Variants in CCDC102B observed in about 807,000 individuals in gnomAD.
CCDC102B encodes coiled-coil domain-containing protein 102B.
Under a neutral mutation model 57.4 loss-of-function variants are expected in CCDC102B, and 75 were observed. The ratio of observed to expected loss-of-function variants is 1.31; its 90% CI spans 1.08 to 1.58. The LOEUF (loss-of-function observed/expected upper bound fraction) is 1.58, where lower values mean the gene tolerates loss of function less well. Ranked by LOEUF, CCDC102B falls within the 40% of genes most tolerant of loss-of-function variation. The pLI is 0.00. For synonymous variants in CCDC102B, 206 were observed against 201.9 expected, an observed-to-expected ratio of 1.02 and a Z score of -0.17; for missense variants, 636 against 582.6, an observed-to-expected ratio of 1.09 and a Z score of -0.94.
chr18:68,972,508 A>G (rs529533709), intron 6 of CCDC102B, among the ~76,000 whole-genome samples: 72 of 152,262 alleles, frequency 4.7e-4, no homozygotes, highest in Non-Finnish European at 8.4e-4. Flanking sequence ...ATCTGTTCAG[A>G]TTTGTCTATC....
chr18:69,030,811 C>A (rs907171241), intron 7 of CCDC102B, among the ~76,000 whole-genome samples: 26 of 152,116 alleles, frequency 1.7e-4, no homozygotes, highest in African/African-American at 6.3e-4. Context: ...TACACCACCA[C>A]GCCCGGATCA....
intron 6 of CCDC102B, among the ~76,000 whole-genome samples, chr18:68,949,026 A>G (rs974883636): frequency 6.6e-6 from 1 of 152,152 alleles, no homozygotes; most frequent in East Asian, 1.9e-4. Context: ...GTTCAAGGGC[A>G]GGAAGCATCC....
intron 7 of CCDC102B, among the ~76,000 whole-genome samples, chr18:69,033,583 G>A (rs1014073003): frequency 6.6e-6 from 1 of 151,886 alleles, no homozygotes; most frequent in African/African-American, 2.4e-5. Context: ...TTAACATACT[G>A]TTTTCAAAGT....
intron 7 of CCDC102B, among the ~76,000 whole-genome samples, chr18:69,053,673 A>C (rs2052762389): frequency 6.6e-6 from 1 of 151,574 alleles, no homozygotes; most frequent in Non-Finnish European, 1.5e-5. Flanking sequence ...TATTTCAACT[A>C]CTTTTTTTTT....
At chr18:68,848,707 T>C (rs1256150084) in intron 4 of CCDC102B, among the ~76,000 whole-genome samples, 2 of 152,064 alleles carry the variant, frequency 1.3e-5, no homozygotes, top group African/African-American at 4.8e-5. Flanking sequence ...TGATTCAGAA[T>C]TAAATTATGA....
At chr18:68,919,519 G>A (rs1396365824) in intron 6 of CCDC102B, among the ~76,000 whole-genome samples, 1 of 152,144 alleles carries the variant, frequency 6.6e-6, no homozygotes, top group Non-Finnish European at 1.5e-5. Flanking sequence ...TTGGTGTCTA[G>A]AAAAAGTATT....
intron 7 of CCDC102B, 127 bp from the exon 8 acceptor site, chr18:69,053,903 T>C: frequency 1.5e-6 from 1 of 679,114 alleles, no homozygotes; most frequent in Non-Finnish European, 2.4e-6. Context: ...AGTTTTGTGG[T>C]GAGAATACTT....
At chr18:68,862,076 C>T (rs543798146) in intron 4 of CCDC102B, among the ~76,000 whole-genome samples, 31 of 152,248 alleles carry the variant, frequency 2.0e-4, no homozygotes, top group South Asian at 6.2e-4. Flanking sequence ...TAAAGTACCA[C>T]ACATCATCTT....
chr18:69,016,006 C>A (rs1375976896), intron 7 of CCDC102B, among the ~76,000 whole-genome samples: 5 of 148,940 alleles, frequency 3.4e-5, no homozygotes, highest in Non-Finnish European at 4.4e-5. Flanking sequence ...AGGTGCCCAC[C>A]ACCATGCCTG....
rs113651707 is a variant in CCDC102B at position 69,054,055 on chromosome 18, G to A, written c.1460G>A (p.Arg487His). 52 of 1,604,938 alleles carry A rather than the reference G, an allele frequency of 3.2e-5. No individual in the cohort carries two copies. Among genetic ancestry groups the A allele is most frequent in the African/African-American group, 5.4e-5 (4 of 74,392 alleles). The change falls in exon 8 of 8, where the codon CGT becomes CAT. Residue 487 changes from arginine (R) to histidine (H), a missense_variant. Transcript: ENST00000360242. Reference sequence around the variant, plus strand: ...CTTGATGATTCCCTGAATCAGATCCGTAAGCTCCAGAGGTCTCTGGATGAA... The same window carrying A: ...CTTGATGATTCCCTGAATCAGATCCATAAGCTCCAGAGGTCTCTGGATGAA... ...DELDDSLNQIRKLQRSLDEEK... is the reference protein window; with the variant it reads ...DELDDSLNQIHKLQRSLDEEK...
At chr18:69,048,226 T>G (rs2052615057) in intron 7 of CCDC102B, among the ~76,000 whole-genome samples, 1 of 151,770 alleles carries the variant, frequency 6.6e-6, no homozygotes, top group African/African-American at 2.4e-5. Context: ...GTGTGTGTTT[T>G]TTTTTTCCCA....
At chr18:68,767,070 G>A (rs1231869080) in intron 2 of CCDC102B, among the ~76,000 whole-genome samples, 1 of 152,168 alleles carries the variant, frequency 6.6e-6, no homozygotes, top group Non-Finnish European at 1.5e-5. Context: ...AAATAATTTT[G>A]AAGGTAGTAT....
intron 1 of CCDC102B, among the ~76,000 whole-genome samples, chr18:68,811,798 G>A (rs2036276531): frequency 1.3e-5 from 2 of 152,156 alleles, no homozygotes; most frequent in Non-Finnish European, 2.9e-5. Flanking sequence ...GAGGTCACGT[G>A]AAGCACAGAG....
intron 2 of CCDC102B, among the ~76,000 whole-genome samples, chr18:68,732,009 C>G (rs1687775837): frequency 7.6e-6 from 1 of 130,856 alleles, no homozygotes; most frequent in African/African-American, 2.6e-5. Flanking sequence ...CTATTTTTCT[C>G]ACATAAAAGT....
intron 6 of CCDC102B, among the ~76,000 whole-genome samples, chr18:68,979,745 T>C (rs1311683188): frequency 1.3e-5 from 2 of 151,960 alleles, no homozygotes; most frequent in Non-Finnish European, 2.9e-5. Context: ...TAAAAAATAA[T>C]AGGTGAAATG....
chr18:68,808,926 A>C (rs977046309), intron 1 of CCDC102B, among the ~76,000 whole-genome samples: 1 of 152,218 alleles, frequency 6.6e-6, no homozygotes, highest in African/African-American at 2.4e-5. Context: ...TTATTTTTAA[A>C]AATTTATGTC....
chr18:68,829,729 A>G (rs1353797631), intron 1 of CCDC102B, among the ~76,000 whole-genome samples: 1 of 151,996 alleles, frequency 6.6e-6, no homozygotes, highest in Admixed American at 6.6e-5. Context: ...ATAGCCACAC[A>G]GATTCTTTAA....
At chr18:68,905,675 T>C (rs1030024145) in intron 6 of CCDC102B, among the ~76,000 whole-genome samples, 4 of 151,366 alleles carry the variant, frequency 2.6e-5, no homozygotes, top group Non-Finnish European at 5.9e-5. Context: ...TCCTCATTCC[T>C]CCCTCCCCTA....
intron 6 of CCDC102B, among the ~76,000 whole-genome samples, chr18:68,948,006 A>G (rs1013743198): frequency 1.3e-5 from 2 of 152,144 alleles, no homozygotes; most frequent in Non-Finnish European, 2.9e-5. Context: ...GTAATAATCC[A>G]AACATTTTTA....
Sources: allele counts gnomAD v4.1 joint callset (sites outside exome capture counted in the v4.1 genomes callset), GRCh38; gene constraint gnomAD v4.1.1; transcripts MANE v1.5; gene names NCBI Gene and HGNC (gene_info 2026-07-23, HGNC 2026-07-21).